Variants in NR3C1 observed in about 807,000 individuals in gnomAD.
NR3C1 encodes nuclear receptor subfamily 3 group C member 1, also known as glucocorticoid receptor.
In NR3C1, 14 loss-of-function variants were observed where a neutral mutation model predicts 74.0. The observed-to-expected ratio is 0.19, with a 90% CI of 0.12 to 0.30. The LOEUF is 0.30. NR3C1 is among the 10% of genes least tolerant of loss of function. NR3C1 has a pLI of 1.00. For synonymous variants in NR3C1, 308 were observed against 332.5 expected, an observed-to-expected ratio of 0.93 and a Z score of 0.80; for missense variants, 695 against 909.8, an observed-to-expected ratio of 0.76 and a Z score of 3.04.
chr5:143,405,579 A>G (rs1435299135), upstream of NR3C1, among the ~76,000 whole-genome samples: 1 of 152,166 alleles, frequency 6.6e-6, no homozygotes, highest in Non-Finnish European at 1.5e-5. Flanking sequence ...GTAGGCTTTC[A>G]GCAAGCCTCT....
chr5:143,411,666 T>C (rs915500609), intron 1 of NR3C1, among the ~76,000 whole-genome samples: 2 of 152,228 alleles, frequency 1.3e-5, no homozygotes, highest in Admixed American at 6.5e-5. Flanking sequence ...TAGAATTTAC[T>C]ATTAAGAGTG....
chr5:143,330,206 AT>A (rs1825689573), intron 2 of NR3C1, among the ~76,000 whole-genome samples: 1 of 152,232 alleles, frequency 6.6e-6, no homozygotes, highest in Non-Finnish European at 1.5e-5. Context: ...AAGAAGAAAC[AT>A]TTAAAGCAAG....
At chr5:143,292,135 T>A (rs1816076854) in intron 7 of NR3C1, among the ~76,000 whole-genome samples, 1 of 152,192 alleles carries the variant, frequency 6.6e-6, no homozygotes, top group South Asian at 2.1e-4. Flanking sequence ...TTGCCATAAT[T>A]GTAGGTACTG....
Position 143,284,937 on chromosome 5 carries a change from G to A in NR3C1, c.2024-2212C>T, listed in dbSNP as rs1407617755. Among the ~76,000 whole-genome samples, 6 of 152,102 alleles carry A rather than the reference G, an allele frequency of 3.9e-5. No individual in the cohort carries two copies. In the South Asian group the frequency reaches 8.3e-4, roughly 21 times the overall value. On this transcript the variant is annotated intron_variant, in intron 7 of 8. Coordinates refer to ENST00000394464, the MANE Select transcript of NR3C1 (RefSeq NM_000176.3). ...GGAGAAAGAGATTGAAGTTTGGGGA[G>A]GCTAAAGCAGCTTTAATTTATGGGT...
chr5:143,370,138 C>T (rs1448784297), intron 2 of NR3C1, among the ~76,000 whole-genome samples: 1 of 152,106 alleles, frequency 6.6e-6, no homozygotes, highest in Non-Finnish European at 1.5e-5. Context: ...ATAGTCCCTC[C>T]AATCCCTTTG....
At chr5:143,347,297 C>A (rs1240711854) in intron 2 of NR3C1, among the ~76,000 whole-genome samples, 1 of 152,120 alleles carries the variant, frequency 6.6e-6, no homozygotes, top group African/African-American at 2.4e-5. Context: ...TTTGTAAGAA[C>A]TGAAATTGGC....
chr5:143,331,870 C>A (rs898010251), intron 2 of NR3C1, among the ~76,000 whole-genome samples: 1 of 152,248 alleles, frequency 6.6e-6, no homozygotes, highest in Non-Finnish European at 1.5e-5. Flanking sequence ...GTACAGCAAA[C>A]CCCTGTGGCA....
At position 143,408,828 on chromosome 5, in the gene NR3C1, T is replaced by C. The variant is rs909304038; in HGVS notation, c.-13-7976A>G. On this transcript the variant is annotated intron_variant, in intron 1 of 8. Coordinates refer to the NR3C1 transcript ENST00000343796. ...TCAATGTGTACTTTTAGAATAATTT[T>C]CGTGCAGATTTCTAAATTTTTATGA... Among the ~76,000 whole-genome samples the C allele has an allele frequency of 1.7e-4, 26 of 152,156 alleles. 1 individual carries two copies. Among genetic ancestry groups the C allele is most frequent in the Admixed American group, 1.7e-3 (26 of 15,278 alleles).
At chr5:143,368,387 A>C (rs2151844825) in intron 2 of NR3C1, among the ~76,000 whole-genome samples, 1 of 152,340 alleles carries the variant, frequency 6.6e-6, no homozygotes, top group Admixed American at 6.5e-5. Flanking sequence ...GGACTTCATA[A>C]AAATTAAAAA....
intron 1 of NR3C1, among the ~76,000 whole-genome samples, chr5:143,420,919 A>T (rs551036340): frequency 1.3e-5 from 2 of 152,212 alleles, no homozygotes; most frequent in Non-Finnish European, 2.9e-5. Context: ...CCTTCAGAGA[A>T]CCTGGTGGAA....
At chr5:143,290,164 A>C (rs1206798619) in intron 7 of NR3C1, among the ~76,000 whole-genome samples, 1 of 152,214 alleles carries the variant, frequency 6.6e-6, no homozygotes, top group Middle Eastern at 3.2e-3. Context: ...TTGCCTTAAC[A>C]TCTATTTTGC....
intron 2 of NR3C1, among the ~76,000 whole-genome samples, chr5:143,358,362 A>C (rs1180478231): frequency 6.6e-6 from 1 of 152,220 alleles, no homozygotes; most frequent in Non-Finnish European, 1.5e-5. Flanking sequence ...CTGAAGAGGG[A>C]TAGCCTTATA....
chr5:143,375,610 AT>A (rs1235091787), intron 2 of NR3C1: 1 of 152,242 alleles, frequency 6.6e-6, no homozygotes, highest in African/African-American at 2.4e-5. Flanking sequence ...GTTACTAAAA[AT>A]TTTTAATACA....
chr5:143,313,848 C>A, intron 3 of NR3C1, 154 bp downstream of exon 3: 1 of 669,972 alleles, frequency 1.5e-6, no homozygotes. Context: ...TAAATACTTT[C>A]CTGCCCATTA....
At chr5:143,299,138 C>CTGGGA (rs1817947995) in intron 5 of NR3C1, among the ~76,000 whole-genome samples, 1 of 151,504 alleles carries the variant, frequency 6.6e-6, no homozygotes, top group African/African-American at 2.4e-5. Context: ...GCCAGCCTCC[C>CTGGGA]AAGTAGCTAG....
At chr5:143,434,788 T>C in exon 1 of NR3C1, 1 of 985,478 alleles carries the variant, frequency 1.0e-6, no homozygotes, top group African/African-American at 1.7e-5. Flanking sequence ...CTAACTGCTC[T>C]GAGAGCACCA....
chr5:143,289,784 T>G (rs1017902033), intron 7 of NR3C1, among the ~76,000 whole-genome samples: 1 of 152,188 alleles, frequency 6.6e-6, no homozygotes, highest in African/African-American at 2.4e-5. Flanking sequence ...TAATCATCAG[T>G]ATACCTACGA....
At chr5:143,416,035 G>A (rs1183893379) in intron 1 of NR3C1, among the ~76,000 whole-genome samples, 1 of 152,128 alleles carries the variant, frequency 6.6e-6, no homozygotes, top group Non-Finnish European at 1.5e-5. Context: ...AAGAGGATTG[G>A]TTTACATATG....
At chr5:143,322,422 T>C (rs1823587185) in intron 2 of NR3C1, among the ~76,000 whole-genome samples, 1 of 152,192 alleles carries the variant, frequency 6.6e-6, no homozygotes. Flanking sequence ...GATGTCTTGA[T>C]GACATAATGC....
Sources: gnomAD v4.1 joint callset for allele counts (sites outside exome capture counted in the v4.1 genomes callset) on GRCh38, gnomAD v4.1.1 for gene constraint, MANE v1.5 for transcripts, NCBI Gene and HGNC (gene_info 2026-07-23, HGNC 2026-07-21) for gene names.